Variants in PANK2 observed in about 807,000 individuals in gnomAD.
The protein encoded by PANK2 is pantothenate kinase 2.
In PANK2, 36 loss-of-function variants were observed where a neutral mutation model predicts 43.1. The ratio of observed to expected loss-of-function variants is 0.84; its 90% CI spans 0.64 to 1.10. The LOEUF is 1.10. PANK2 is among the 50% of genes least tolerant of loss of function. PANK2 has a pLI of 0.00. For synonymous variants in PANK2, 281 were observed against 238.2 expected (o/e 1.18, Z -1.66); for missense variants, 576 against 593.3 (o/e 0.97, Z 0.30).
intron 1 of PANK2, among the ~76,000 whole-genome samples, chr20:3,900,559 T>C (rs2090285100): frequency 6.6e-6 from 1 of 151,944 alleles, no homozygotes; most frequent in South Asian, 2.1e-4. Context: ...TGTGACTCCA[T>C]TGTGGGTGAT....
intron 1 of PANK2, among the ~76,000 whole-genome samples, chr20:3,896,338 G>A (rs545946437): frequency 1.4e-4 from 21 of 149,648 alleles, no homozygotes; most frequent in Admixed American, 3.4e-4. Context: ...TTGGCCTCCC[G>A]AAGTGCTGGG....
intron 2 of PANK2, among the ~76,000 whole-genome samples, chr20:3,909,507 A>G (rs2090436117): frequency 6.6e-6 from 1 of 152,218 alleles, no homozygotes; most frequent in Non-Finnish European, 1.5e-5. Flanking sequence ...TTGGAATTAC[A>G]GGTGTGAGCC....
Position 3,925,952 on chromosome 20 carries a change from C to G in PANK2, c.*2658C>G, listed in dbSNP as rs1391062346. 1 of 152,300 alleles carries G rather than the reference C, an allele frequency of 6.6e-6. No homozygotes were observed. The highest frequency in any genetic ancestry group is 1.9e-4 in the East Asian group (1 of 5,194). The allele number at this position is 152,300 out of a possible 1,614,324, so 9.4% of individuals were successfully genotyped here. A position where few individuals can be genotyped will look rare whatever the true frequency, so the allele number is the denominator to read the frequency against. ...CACTTCCCTGTCTTAGCAGCTGTCC[C>G]TTTCAGTCTGCCCTCCACTAGTGGC... On this transcript the variant is annotated 3_prime_UTR_variant, in exon 7 of 7. Coordinates refer to ENST00000610179, the MANE Select transcript of PANK2 (RefSeq NM_001386393.1).
chr20:3,921,353 G>C (rs1244734049), intron 6 of PANK2: 1 of 152,094 alleles, frequency 6.6e-6, no homozygotes, highest in African/African-American at 2.4e-5. Flanking sequence ...AACTTTTGTT[G>C]TGAAAGCTTC....
At chr20:3,911,264 A>G (rs1291964015) in intron 3 of PANK2, among the ~76,000 whole-genome samples, 1 of 152,206 alleles carries the variant, frequency 6.6e-6, no homozygotes, top group Non-Finnish European at 1.5e-5. Flanking sequence ...TGATCAGTAG[A>G]AAAATTATTG....
rs1193149218 is a variant in PANK2 at position 3,924,304 on chromosome 20, T to C, written c.*1010T>C. On this transcript the variant is annotated 3_prime_UTR_variant, in exon 7 of 7. Transcript: ENST00000610179. Reference sequence around the variant, plus strand: ...CTTTTATATCTGAGGTCTTAAGTGGTGCCCATATTGCTGTTGAAGGCAAGG... The same window carrying C: ...CTTTTATATCTGAGGTCTTAAGTGGCGCCCATATTGCTGTTGAAGGCAAGG... The C allele has an allele frequency of 3.3e-5, 5 of 152,266 alleles. No individual in the cohort carries two copies. Among genetic ancestry groups the C allele is most frequent in the Admixed American group, 6.5e-5 (1 of 15,278 alleles). 9.4% of individuals were successfully genotyped at this position (152,266 alleles called of 1,614,324 possible).
intron 1 of PANK2, among the ~76,000 whole-genome samples, chr20:3,895,551 G>C (rs935110192): frequency 1.3e-5 from 2 of 149,376 alleles, no homozygotes; most frequent in Admixed American, 6.7e-5. Flanking sequence ...GATAGACTAG[G>C]CTATTGTAGA....
chr20:3,910,948 C>CA, intron 3 of PANK2, 118 bp downstream of exon 3: 2 of 1,268,660 alleles, frequency 1.6e-6, no homozygotes, highest in Non-Finnish European at 2.2e-6. Flanking sequence ...CTGGATTATG[C>CA]AAACAAATGT....
Position 3,926,550 on chromosome 20 carries a change from G to C in PANK2, c.*3256G>C, listed in dbSNP as rs1468516085. 6.6e-6 allele frequency: 1 copy of C among 152,354 alleles called. No homozygotes were observed. Among genetic ancestry groups the C allele is most frequent in the African/African-American group, 2.4e-5 (1 of 41,448 alleles). 9.4% of individuals were successfully genotyped at this position (152,354 alleles called of 1,614,324 possible). A position where few individuals can be genotyped will look rare whatever the true frequency, so the allele number is the denominator to read the frequency against. ...GAAGGCTTTGGACGTTTTTTCTCCT[G>C]ACACTAGTTATTTCCAGGCCTGGGA... On this transcript the variant is annotated 3_prime_UTR_variant, in exon 7 of 7. Coordinates refer to ENST00000610179, the MANE Select transcript of PANK2 (RefSeq NM_001386393.1).
Position 3,923,652 on chromosome 20 carries a change from C to G in PANK2, c.*358C>G. The G allele has an allele frequency of 2.8e-6, 1 of 353,636 alleles. No homozygotes were observed. Among genetic ancestry groups the G allele is most frequent in the Non-Finnish European group, 5.3e-6 (1 of 189,116 alleles). The allele number at this position is 353,636 out of a possible 1,614,324, so 21.9% of individuals were successfully genotyped here. A position where few individuals can be genotyped will look rare whatever the true frequency, so the allele number is the denominator to read the frequency against. On this transcript the variant is annotated 3_prime_UTR_variant, in exon 7 of 7. Coordinates refer to ENST00000610179, the MANE Select transcript of PANK2 (RefSeq NM_001386393.1). ...TGGTTTTGTGTCCTGTTTGAACTTG[C>G]TGAATGTAAGGCAGGCTACTATGCG...
At chr20:3,905,465 G>C (rs1250983231) in intron 1 of PANK2, among the ~76,000 whole-genome samples, 6 of 150,640 alleles carry the variant, frequency 4.0e-5, no homozygotes, top group African/African-American at 1.5e-4. Context: ...TCCTGCCTCA[G>C]CCTGCTGAGT....
At chr20:3,888,953 CG>C, upstream of PANK2, 12 of 570,842 alleles carry the variant, frequency 2.1e-5, no homozygotes, top group Admixed American at 6.9e-5. Context: ...AGCGGCCAGA[CG>C]CTGCGGGAGC....
At chr20:3,897,555 T>A (rs1171632747) in intron 1 of PANK2, among the ~76,000 whole-genome samples, 2 of 151,986 alleles carry the variant, frequency 1.3e-5, no homozygotes, top group African/African-American at 4.8e-5. Flanking sequence ...TAGCTGGTTG[T>A]GGTGGCCTGC....
intron 1 of PANK2, chr20:3,891,346 C>T (rs1234006600): frequency 1.3e-5 from 2 of 152,152 alleles, no homozygotes; most frequent in African/African-American, 2.4e-5. Flanking sequence ...AGACGGGAGC[C>T]ATTGTGCCCG....
At chr20:3,902,113 G>A (rs956881975) in intron 1 of PANK2, among the ~76,000 whole-genome samples, 4 of 151,202 alleles carry the variant, frequency 2.6e-5, no homozygotes, top group Non-Finnish European at 5.9e-5. Context: ...GAAATTTCTG[G>A]AACTAACATA....
At chr20:3,903,677 G>GAC (rs2090342282) in intron 1 of PANK2, among the ~76,000 whole-genome samples, 1 of 151,306 alleles carries the variant, frequency 6.6e-6, no homozygotes. Flanking sequence ...GCCCAGGCTG[G>GAC]AGTGCAGTGG....
chr20:3,914,342 G>T (rs922737611), intron 4 of PANK2, among the ~76,000 whole-genome samples: 1 of 152,132 alleles, frequency 6.6e-6, no homozygotes, highest in East Asian at 1.9e-4. Context: ...AAGAGGCAGG[G>T]TCTCGCCCTG....
In PANK2 at chr20:3,902,163, CT is replaced by C. The variant is rs542705456; in HGVS notation, c.299-5747del. Among the ~76,000 whole-genome samples the C allele has an allele frequency of 3.3e-3, 451 of 138,156 alleles. 1 individual carries two copies. The highest frequency in any genetic ancestry group is 7.3e-3 in the Middle Eastern group (2 of 274). The allele number at this position is 138,156 out of a possible 152,430, so 90.6% of individuals were successfully genotyped here. A position where few individuals can be genotyped will look rare whatever the true frequency, so the allele number is the denominator to read the frequency against. On this transcript the variant is annotated intron_variant, in intron 1 of 6. Coordinates refer to ENST00000610179, the MANE Select transcript of PANK2 (RefSeq NM_001386393.1). Reference sequence around the variant, plus strand: ...CTGGTTCTATATTCTCTCCCTCTCTCTTTTTTTTTTTTTTTTAGTTAGAGAC... The same window carrying C: ...CTGGTTCTATATTCTCTCCCTCTCTCTTTTTTTTTTTTTTTAGTTAGAGAC...
chr20:3,922,171 C>T (rs182127376), intron 6 of PANK2, among the ~76,000 whole-genome samples: 2 of 152,364 alleles, frequency 1.3e-5, no homozygotes, highest in East Asian at 1.9e-4. Flanking sequence ...TCAGGATCTT[C>T]TCATTCCTTT....
Sources: allele counts gnomAD v4.1 joint callset (sites outside exome capture counted in the v4.1 genomes callset), GRCh38; gene constraint gnomAD v4.1.1; transcripts MANE v1.5; gene names NCBI Gene and HGNC (gene_info 2026-07-23, HGNC 2026-07-21).